Variants in GNPDA2 observed in about 807,000 individuals in gnomAD.
GNPDA2 encodes the protein glucosamine-6-phosphate deaminase 2, also known as glcN6P deaminase 2.
In GNPDA2, 24 loss-of-function variants were observed where a neutral mutation model predicts 27.0. The observed-to-expected ratio is 0.89, with a 90% CI of 0.64 to 1.25. GNPDA2 has a LOEUF of 1.25. Ranked by LOEUF, GNPDA2 falls within the 50% of genes most tolerant of loss-of-function variation. The pLI, the probability that GNPDA2 is intolerant of heterozygous loss-of-function variation, is 0.00. For missense variants in GNPDA2, 286 were observed against 335.1 expected, an observed-to-expected ratio of 0.85 and a Z score of 1.14; for synonymous variants, 94 against 108.4, an observed-to-expected ratio of 0.87 and a Z score of 0.83.
chr4:44,711,221 AT>A lies in GNPDA2; in HGVS notation c.410-85del, dbSNP rs111354639. The A allele has an allele frequency of 8.1e-3, 5,898 of 725,786 alleles. 247 individuals carry two copies. In the African/African-American group the frequency reaches 0.1, roughly 12 times the overall value. 45.0% of individuals were successfully genotyped at this position (725,786 alleles called of 1,614,324 possible). On this transcript the variant is annotated intron_variant, in intron 4 of 6. Transcript: ENST00000295448. ...ATGTGCGTTAAAGAACAAAAAAAAA[AT>A]CACCTTGTTTTATTTTATACTTGAA...
Position 44,711,083 on chromosome 4 carries a change from G to T in GNPDA2, c.464C>A (p.Ser155Ter). ...AFNEPGSSLV[S>*]RTRLKTLAMD... is the part of the protein sequence containing the mutation. ...TGCTAGAGTCTTTAATCTTGTCCTTGACACTAAACTGGATCCAGGCTCATT... is the reference window on the plus strand; with the variant it reads ...TGCTAGAGTCTTTAATCTTGTCCTTTACACTAAACTGGATCCAGGCTCATT... Residue 155 changes from serine to a stop codon, truncating the protein, a stop_gained, in exon 5 of 7, where the codon TCA becomes TAA. Coordinates refer to ENST00000295448, the MANE Select transcript of GNPDA2 (RefSeq NM_138335.3). LOFTEE classifies it high-confidence loss of function. The T allele has an allele frequency of 6.2e-7, 1 of 1,611,696 alleles. No individual in the cohort carries two copies. Among genetic ancestry groups the T allele is most frequent in the South Asian group, 1.1e-5 (1 of 90,634 alleles).
At chr4:44,703,250 C>T (rs2109687232) in intron 6 of GNPDA2, 108 bp from the exon 7 acceptor site, 2 of 1,448,880 alleles carry the variant, frequency 1.4e-6, no homozygotes, top group Middle Eastern at 2.5e-4. Flanking sequence ...CTGTTTAGTT[C>T]CCATCTTGAT....
chr4:44,711,713 G>A (rs537567086), intron 4 of GNPDA2, among the ~76,000 whole-genome samples: 74 of 150,856 alleles, frequency 4.9e-4, no homozygotes, highest in Non-Finnish European at 8.9e-4. Flanking sequence ...ATAAAAATGT[G>A]TGGATTGGAT....
chr4:44,713,602 G>T (rs889917385), intron 4 of GNPDA2, among the ~76,000 whole-genome samples: 4 of 152,100 alleles, frequency 2.6e-5, no homozygotes, highest in Non-Finnish European at 5.9e-5. Context: ...CTATTAGGCC[G>T]GGTGCAGTGG....
At chr4:44,718,807 T>C (rs1409143576) in intron 2 of GNPDA2, among the ~76,000 whole-genome samples, 1 of 151,940 alleles carries the variant, frequency 6.6e-6, no homozygotes, top group African/African-American at 2.4e-5. Context: ...TTTACTGAAA[T>C]TAAAAGGGAA....
At chr4:44,713,489 G>C (rs892205048) in intron 4 of GNPDA2, among the ~76,000 whole-genome samples, 4 of 152,172 alleles carry the variant, frequency 2.6e-5, no homozygotes, top group Non-Finnish European at 5.9e-5. Context: ...GATCCCATTA[G>C]TTATTTCCTT....
At position 44,703,814 on chromosome 4, in the gene GNPDA2, C is replaced by T. The variant is rs542008230; in HGVS notation, c.770-672G>A. On this transcript the variant is annotated intron_variant, in intron 6 of 6. Transcript: ENST00000295448. ...GGAAGCTGCTTGGGAAATAGCTGAT[C>T]TTCCAGTTACTCCTGTTTTAATGCC... 1.2e-5 allele frequency: 12 copies of T among 985,208 alleles called. No homozygotes were observed. The East Asian group carries it at 1.4e-3, about 112-fold the overall frequency. 61.0% of individuals were successfully genotyped at this position (985,208 alleles called of 1,614,324 possible).
At position 44,717,146 on chromosome 4, in the gene GNPDA2, T is replaced by C. The variant is rs1717350814; in HGVS notation, c.376A>G (p.Lys126Glu). Residue 126 changes from lysine to glutamate, a missense_variant, in exon 4 of 7, where the codon AAA (lysine) becomes GAA (glutamate). Coordinates refer to ENST00000295448, the MANE Select transcript of GNPDA2 (RefSeq NM_138335.3). Reference protein sequence around the residue: ...AECDAFENKIKEAGGIDLFVG... With the variant: ...AECDAFENKIEEAGGIDLFVG... ...AAAAGATCTATTCCTCCAGCTTCTTTTATTTTGTTTTCAAAAGCATCACAT... is the reference window on the plus strand; with the variant it reads ...AAAAGATCTATTCCTCCAGCTTCTTCTATTTTGTTTTCAAAAGCATCACAT... 1 of 1,608,884 alleles carries C rather than the reference T, an allele frequency of 6.2e-7. No homozygotes were observed. The highest frequency in any genetic ancestry group is 8.5e-7 in the Non-Finnish European group (1 of 1,177,868).
rs768553217 is a variant in GNPDA2 at position 44,707,778 on chromosome 4, C to A, written c.743G>T (p.Arg248Ile). ...VCDEDATLEL[R>I]VKTVKYFKGL... is the part of the protein sequence containing the mutation. ...TTTAAAGTATTTCACAGTTTTAACT[C>A]TTAATTCTAAAGTAGCATCTTCATC... Residue 248 changes from arginine (R) to isoleucine (I), a missense_variant, in exon 6 of 7, where the codon AGA becomes ATA. Physicochemically the swap from Arg to Ile is moderately conservative, Grantham distance 97. Transcript: ENST00000295448. 3.1e-6 allele frequency: 5 copies of A among 1,612,992 alleles called. No homozygotes were observed.
chr4:44,719,879 G>A (rs1410680559), intron 2 of GNPDA2, among the ~76,000 whole-genome samples: 1 of 152,002 alleles, frequency 6.6e-6, no homozygotes, highest in African/African-American at 2.4e-5. Flanking sequence ...TACCTACTAT[G>A]ATTTATATAA....
chr4:44,707,328 TA>T (rs1320089237), intron 6 of GNPDA2: 1 of 191,204 alleles, frequency 5.2e-6, no homozygotes, highest in Non-Finnish European at 1.1e-5. Context: ...TTAAATTAGA[TA>T]GTGGGAGATC....
intron 1 of GNPDA2, among the ~76,000 whole-genome samples, chr4:44,726,227 G>A (rs1036111046): frequency 6.8e-6 from 1 of 146,918 alleles, no homozygotes; most frequent in Admixed American, 6.8e-5. Context: ...TCAAGAAGAA[G>A]CCGCGAGAGA....
intron 4 of GNPDA2, among the ~76,000 whole-genome samples, chr4:44,716,441 G>A (rs1294144943): frequency 6.6e-6 from 1 of 151,826 alleles, no homozygotes; most frequent in Non-Finnish European, 1.5e-5. Context: ...CTAGCTGTCT[G>A]CGATAGTTTA....
At chr4:44,716,932 C>T (rs781050010) in intron 4 of GNPDA2, among the ~76,000 whole-genome samples, 181 bp downstream of exon 4, 14 of 151,638 alleles carry the variant, frequency 9.2e-5, no homozygotes, top group Admixed American at 1.3e-4. Flanking sequence ...AAGATTAAGA[C>T]GGGAATTTTA....
At chr4:44,708,090 A>T (rs1333614178) in intron 5 of GNPDA2, among the ~76,000 whole-genome samples, 164 bp from the exon 6 acceptor site, 1 of 152,172 alleles carries the variant, frequency 6.6e-6, no homozygotes, top group East Asian at 1.9e-4. Flanking sequence ...TTTAAGATTA[A>T]CAAGCACAAA....
At chr4:44,716,565 T>C (rs1717303607) in intron 4 of GNPDA2, among the ~76,000 whole-genome samples, 1 of 151,872 alleles carries the variant, frequency 6.6e-6, no homozygotes, top group Non-Finnish European at 1.5e-5. Context: ...AAATTAAACA[T>C]TAATTTTGGA....
chr4:44,722,080 T>C lies in GNPDA2; in HGVS notation c.124+4A>G. ...AATATAAAATGGAAAAAGTAGTTAA[T>C]TACCTGTTGGTAAACCCAGTGTAAA... On this transcript the variant is annotated splice_donor_region_variant and intron_variant, in intron 2 of 6. Transcript: ENST00000295448. The C allele has an allele frequency of 1.3e-6, 2 of 1,596,604 alleles. No homozygotes were observed. Among genetic ancestry groups the C allele is most frequent in the Non-Finnish European group, 1.7e-6 (2 of 1,168,378 alleles).
At chr4:44,711,849 TATAAA>T (rs901245962) in intron 4 of GNPDA2, among the ~76,000 whole-genome samples, 1 of 149,648 alleles carries the variant, frequency 6.7e-6, no homozygotes, top group African/African-American at 2.5e-5. Context: ...AACACAAACA[TATAAA>T]ATATAATTAA....
rs147656856 is a variant in GNPDA2, at chr4:44,716,203, G to A, written c.409+910C>T. Among the ~76,000 whole-genome samples, 629 of 151,948 alleles carry A rather than the reference G, an allele frequency of 4.1e-3. 2 individuals carry two copies. Among genetic ancestry groups the A allele is most frequent in the Non-Finnish European group, 6.9e-3 (465 of 67,796 alleles). ...ACTTTAAAACCAAATTTCCCCCAAT[G>A]ATAATCAACTATCTCAACCATACTT... On this transcript the variant is annotated intron_variant, in intron 4 of 6. Coordinates refer to ENST00000295448, the MANE Select transcript of GNPDA2 (RefSeq NM_138335.3).
Sources: allele counts gnomAD v4.1 joint callset (sites outside exome capture counted in the v4.1 genomes callset), GRCh38; gene constraint gnomAD v4.1.1; transcripts MANE v1.5; gene names NCBI Gene and HGNC (gene_info 2026-07-23, HGNC 2026-07-21).